SEMA3D: variants seen among roughly 807,000 people sequenced by gnomAD.
SEMA3D encodes semaphorin 3D, also known as semaphorin-3D.
A neutral mutation model predicts 100.1 loss-of-function variants in SEMA3D; 84 were observed. The observed-to-expected ratio is 0.84, with a 90% CI of 0.70 to 1.01. The LOEUF is 1.01. Among genes scored for constraint, SEMA3D ranks in the 50% least tolerant of loss-of-function variants. The probability of loss-of-function intolerance (pLI) is 0.00; values close to 1 mark genes in which losing one functional copy is unlikely to be tolerated. For missense variants in SEMA3D, 875 were observed against 934.1 expected, an observed-to-expected ratio of 0.94 and a Z score of 0.82; for synonymous variants, 312 against 320.7, an observed-to-expected ratio of 0.97 and a Z score of 0.29.
the SEMA3D span, among the ~76,000 whole-genome samples, chr7:85,212,834 T>C: frequency 6.6e-6 from 1 of 152,020 alleles, no homozygotes; most frequent in African/African-American, 2.4e-5. Flanking sequence ...TATAGCAGTT[T>C]TATGCCAAAT....
chr7:85,153,519 C>T (rs1412277478), intron 2 of SEMA3D, 89 bp downstream of exon 2: 1 of 151,360 alleles, frequency 6.6e-6, no homozygotes, highest in African/African-American at 2.4e-5. Flanking sequence ...AGAAACAGAA[C>T]AAGTAGGAGA....
chr7:85,108,841 T>C (rs894119987), intron 3 of SEMA3D, among the ~76,000 whole-genome samples: 1 of 152,122 alleles, frequency 6.6e-6, no homozygotes, highest in African/African-American at 2.4e-5. Context: ...AAGTGATCAA[T>C]GACCTGTTTA....
chr7:85,198,297 T>G, the SEMA3D span, among the ~76,000 whole-genome samples: 1 of 152,140 alleles, frequency 6.6e-6, no homozygotes, highest in Non-Finnish European at 1.5e-5. Flanking sequence ...AAGTAAGGCT[T>G]TTCTTTCATT....
chr7:85,125,432 C>G (rs1789540509), intron 2 of SEMA3D, among the ~76,000 whole-genome samples: 1 of 151,982 alleles, frequency 6.6e-6, no homozygotes, highest in South Asian at 2.1e-4. Flanking sequence ...TTTCACTGAA[C>G]AGTAGTAACA....
chr7:84,999,270 G>A lies in SEMA3D; in HGVS notation c.*170C>T, dbSNP rs1227527165. On this transcript the variant is annotated 3_prime_UTR_variant, in exon 19 of 19. Transcript: ENST00000284136. ...TTGTTCTTGGAAAACTGGTTCAAAT[G>A]AATTTTTTGCCCTTTCTTATATTCA... 5.1e-6 allele frequency: 3 copies of A among 583,326 alleles called. No individual in the cohort carries two copies. In the African/African-American group the frequency reaches 5.6e-5, roughly 11 times the overall value. The allele number at this position is 583,326 out of a possible 1,614,324, so 36.1% of individuals were successfully genotyped here.
the SEMA3D span, among the ~76,000 whole-genome samples, chr7:85,225,299 T>A: frequency 1.3e-5 from 2 of 150,808 alleles, no homozygotes; most frequent in Admixed American, 1.3e-4. Context: ...TTATCTTTCC[T>A]CTTTTCCTGT....
At chr7:85,220,254 T>C in the SEMA3D span, among the ~76,000 whole-genome samples, 1 of 152,016 alleles carries the variant, frequency 6.6e-6, no homozygotes, top group African/African-American at 2.4e-5. Context: ...TTGGTTTGGT[T>C]TCTTGGGCTA....
intron 2 of SEMA3D, among the ~76,000 whole-genome samples, chr7:85,129,013 T>G (rs1023765807): frequency 1.3e-5 from 2 of 151,422 alleles, no homozygotes; most frequent in Non-Finnish European, 2.9e-5. Context: ...TGCCTTGGCT[T>G]CCTGAGGAGC....
At chr7:85,115,387 C>A (rs1272237687) in intron 3 of SEMA3D, among the ~76,000 whole-genome samples, 2 of 152,066 alleles carry the variant, frequency 1.3e-5, no homozygotes, top group African/African-American at 2.4e-5. Context: ...AGTCCTTATG[C>A]CAATGTTTTG....
chr7:85,005,607 C>T (rs968487304), intron 18 of SEMA3D, among the ~76,000 whole-genome samples: 1 of 151,980 alleles, frequency 6.6e-6, no homozygotes, highest in Non-Finnish European at 1.5e-5. Flanking sequence ...AAATTAATTT[C>T]TTATGATAAA....
the SEMA3D span, among the ~76,000 whole-genome samples, chr7:85,211,333 C>A: frequency 4.6e-5 from 7 of 151,938 alleles, no homozygotes; most frequent in Non-Finnish European, 8.8e-5. Context: ...CATTGAGTTC[C>A]CAGTTTTCCC....
intron 2 of SEMA3D, among the ~76,000 whole-genome samples, chr7:85,126,725 A>G (rs1020864289): frequency 2.6e-5 from 4 of 152,088 alleles, no homozygotes; most frequent in Non-Finnish European, 5.9e-5. Context: ...ATGGCTGTGG[A>G]CAGCACAACA....
chr7:85,001,958 C>T (rs555350812), intron 18 of SEMA3D, among the ~76,000 whole-genome samples: 1 of 152,032 alleles, frequency 6.6e-6, no homozygotes, highest in Non-Finnish European at 1.5e-5. Flanking sequence ...TTTAATGTGG[C>T]TTTTAGAGAT....
chr7:85,132,734 G>T (rs749658355), intron 2 of SEMA3D, among the ~76,000 whole-genome samples: 5 of 151,608 alleles, frequency 3.3e-5, no homozygotes, highest in Non-Finnish European at 7.4e-5. Flanking sequence ...ATTAATACAA[G>T]TTTTATACTA....
intron 18 of SEMA3D, among the ~76,000 whole-genome samples, chr7:85,003,567 C>T (rs1458232981): frequency 2.6e-5 from 4 of 151,564 alleles, no homozygotes; most frequent in African/African-American, 9.7e-5. Context: ...GTCAGAAAGT[C>T]AGAAATTGTC....
chr7:85,058,267 T>C (rs1791377658), intron 8 of SEMA3D, among the ~76,000 whole-genome samples: 1 of 152,114 alleles, frequency 6.6e-6, no homozygotes. Flanking sequence ...TTAATTTTTT[T>C]CTAATTAATC....
At chr7:85,112,000 A>G (rs1324445731) in intron 3 of SEMA3D, among the ~76,000 whole-genome samples, 1 of 152,096 alleles carries the variant, frequency 6.6e-6, no homozygotes, top group Non-Finnish European at 1.5e-5. Flanking sequence ...ATATTTGATT[A>G]CTACATACCC....
At chr7:85,247,449 G>A in the SEMA3D span, among the ~76,000 whole-genome samples, 1 of 151,982 alleles carries the variant, frequency 6.6e-6, no homozygotes, top group African/African-American at 2.4e-5. Context: ...GACATCATGT[G>A]CACAAACTAA....
At chr7:85,083,610 CG>C (rs1788125178) in intron 4 of SEMA3D, among the ~76,000 whole-genome samples, 1 of 142,508 alleles carries the variant, frequency 7.0e-6, no homozygotes. Flanking sequence ...TTTGGGAGGC[CG>C]AGGCGGGCGG....
Sources: gnomAD v4.1 joint callset for allele counts (sites outside exome capture counted in the v4.1 genomes callset) on GRCh38, gnomAD v4.1.1 for gene constraint, MANE v1.5 for transcripts, NCBI Gene and HGNC (gene_info 2026-07-23, HGNC 2026-07-21) for gene names.